CASZ1: variants seen among roughly 807,000 people sequenced by gnomAD.
The protein encoded by CASZ1 is castor zinc finger 1.
A neutral mutation model predicts 135.2 loss-of-function variants in CASZ1; 28 were observed. The observed-to-expected ratio is 0.21, with a 90% CI of 0.15 to 0.28. CASZ1 has a LOEUF of 0.28. Ranked by LOEUF, CASZ1 falls within the 10% of genes least tolerant of loss-of-function variation. The pLI is 1.00. For missense variants in CASZ1, 2,161 were observed against 2,453.3 expected, an observed-to-expected ratio of 0.88 and a Z score of 2.52; for synonymous variants, 1,068 against 1,073.4, an observed-to-expected ratio of 0.99 and a Z score of 0.10.
At chr1:10,704,367 T>G (rs1639124793) in intron 3 of CASZ1, 1 of 152,588 alleles carries the variant, frequency 6.6e-6, no homozygotes, top group Non-Finnish European at 1.5e-5. Flanking sequence ...ACCAGGGTGG[T>G]GCTGGCGGCA....
At position 10,711,730 on chromosome 1, in the gene CASZ1, T is replaced by G. The variant is rs1639290094; in HGVS notation, c.-76-6186A>C. ...ACAACATGGAGTCTGTCCATACTAT[T>G]GAATATTATTCAGCTATAAAAAAGG... is the stretch of plus-strand genomic sequence containing the variant. On this transcript the variant is annotated intron_variant, in intron 2 of 20. Coordinates refer to ENST00000377022, the MANE Select transcript of CASZ1 (RefSeq NM_001079843.3). The surrounding 1 kb of genome is among the most constrained non-coding windows in gnomAD (Gnocchi z 4.4). Among the ~76,000 whole-genome samples, 1 of 152,218 alleles carries G rather than the reference T, an allele frequency of 6.6e-6. No homozygotes were observed.
chr1:10,753,089 G>A (rs1473538929), intron 2 of CASZ1, among the ~76,000 whole-genome samples: 1 of 152,200 alleles, frequency 6.6e-6, no homozygotes, highest in African/African-American at 2.4e-5. Flanking sequence ...TTTCATATAA[G>A]TATGTCCCAA....
chr1:10,649,461 T>C (rs566866337), intron 13 of CASZ1, 24 bp from the exon 14 acceptor site: 5 of 1,590,934 alleles, frequency 3.1e-6, no homozygotes, highest in Middle Eastern at 1.8e-4. Context: ...AGGCCGAGCA[T>C]GGGGCTGGGG....
In CASZ1 at chr1:10,709,789, A is replaced by G. The variant is rs1390167887; in HGVS notation, c.-76-4245T>C. 6.6e-6 allele frequency among the ~76,000 whole-genome samples: 1 copy of G among 152,234 alleles called. No individual in the cohort carries two copies. The highest frequency in any genetic ancestry group is 1.9e-4 in the East Asian group (1 of 5,182). On this transcript the variant is annotated intron_variant, in intron 2 of 20. Transcript: ENST00000377022. The surrounding 1 kb of genome is among the most constrained non-coding windows in gnomAD (Gnocchi z 5.1). ...GGGGGATCCCATGGCATAACCAGGC[A>G]AAACGGAAAGGTCAGAGGAAGCCCG...
rs773795773 is a variant in CASZ1, at chr1:10,653,945, C to T, written c.2112G>A (p.Gly704=). Residue 704 remains glycine, a synonymous_variant, in exon 11 of 21, where the codon GGG becomes GGA. Transcript: ENST00000377022. ...RRHIRSSGAL[G]LPPSLLGAKD... is the part of the protein sequence containing the mutation. ...TGGCGCCCAGCAGCGAGGGCGGCAG[C>T]CCCAGCGCGCCCGAGGAGCGGATGT... The T allele has an allele frequency of 6.2e-7, 1 of 1,613,608 alleles. No individual in the cohort carries two copies. The highest frequency in any genetic ancestry group is 8.5e-7 in the Non-Finnish European group (1 of 1,179,756).
chr1:10,691,566 G>A (rs571391823), intron 4 of CASZ1, among the ~76,000 whole-genome samples: 56 of 152,340 alleles, frequency 3.7e-4, no homozygotes, highest in Non-Finnish European at 7.1e-4. Context: ...AGAGGCCCTC[G>A]GCTGAAGCTG....
chr1:10,765,244 G>T (rs967192856), intron 1 of CASZ1, among the ~76,000 whole-genome samples: 1 of 152,264 alleles, frequency 6.6e-6, no homozygotes, highest in Non-Finnish European at 1.5e-5. Flanking sequence ...GGTAGGGAAA[G>T]ATTTCTATCC....
chr1:10,715,917 A>G (rs1192300414), intron 2 of CASZ1, among the ~76,000 whole-genome samples: 5 of 130,234 alleles, frequency 3.8e-5, no homozygotes, highest in Non-Finnish European at 1.6e-5. Flanking sequence ...CTCTCCCCAC[A>G]GCACCCAATC....
chr1:10,754,480 C>G (rs564355705), intron 2 of CASZ1, among the ~76,000 whole-genome samples: 19 of 152,216 alleles, frequency 1.2e-4, no homozygotes, highest in Non-Finnish European at 2.5e-4. Context: ...TGAGGCTGAG[C>G]CCTGGCCCAA....
intron 1 of CASZ1, among the ~76,000 whole-genome samples, chr1:10,795,996 G>T (rs761124): frequency 0.63 from 95,126 of 149,868 alleles, 32,935 homozygotes; most frequent in Middle Eastern, 0.8. Context: ...GTCACCCCAG[G>T]CACCCCTCAC....
At chr1:10,715,513 ACCCCACAGCACCCAATCCGCCC>A (rs1639362319) in intron 2 of CASZ1, among the ~76,000 whole-genome samples, 2 of 142,172 alleles carry the variant, frequency 1.4e-5, no homozygotes, top group African/African-American at 2.6e-5. Context: ...CCCAATCCAC[ACCCCACAGCACCCAATCCGCCC>A]CCCACAGCAC....
chr1:10,751,566 A>G (rs1640150880), intron 2 of CASZ1, among the ~76,000 whole-genome samples: 1 of 152,250 alleles, frequency 6.6e-6, no homozygotes, highest in South Asian at 2.1e-4. Context: ...TTAATGAAAT[A>G]TAAATACCCA....
Position 10,739,682 on chromosome 1 carries a change from G to A in CASZ1, c.-77+21019C>T, listed in dbSNP as rs1232370335. ...AGCTATAGTTTGGCCCAAATGTCCC[G>A]GCCAGGGTGGCTCTGTGTCAAAGGC... On this transcript the variant is annotated intron_variant, in intron 2 of 20. Transcript: ENST00000377022. The surrounding 1 kb of genome is among the most constrained non-coding windows in gnomAD (Gnocchi z 4.8). Among the ~76,000 whole-genome samples the A allele has an allele frequency of 1.3e-5, 2 of 152,108 alleles. No homozygotes were observed. Among genetic ancestry groups the A allele is most frequent in the Non-Finnish European group, 2.9e-5 (2 of 68,014 alleles).
rs74052181 is a variant in CASZ1 at position 10,735,497 on chromosome 1, G to A, written c.-77+25204C>T. ...GCAGGCTCAGCCAGCTCCACGCAGCGCCAGGGCTGTCCCCAAAGTTTGGAT... is the reference window on the plus strand; with the variant it reads ...GCAGGCTCAGCCAGCTCCACGCAGCACCAGGGCTGTCCCCAAAGTTTGGAT... On this transcript the variant is annotated intron_variant, in intron 2 of 20. Coordinates refer to ENST00000377022, the MANE Select transcript of CASZ1 (RefSeq NM_001079843.3). This position sits in a 1 kb window ranked among gnomAD's most constrained non-coding sequence, Gnocchi z 5.1. Among the ~76,000 whole-genome samples, 6,891 of 152,198 alleles carry A rather than the reference G, an allele frequency of 0.045. 321 individuals carry two copies. The highest frequency in any genetic ancestry group is 0.12 in the African/African-American group (4,910 of 41,506).
Position 10,794,553 on chromosome 1 carries a change from A to G in CASZ1, c.-234+2011T>C, listed in dbSNP as rs1053258505. Among the ~76,000 whole-genome samples the G allele has an allele frequency of 4.6e-5, 7 of 152,106 alleles. No homozygotes were observed. The highest frequency in any genetic ancestry group is 1.4e-4 in the African/African-American group (6 of 41,418). ...ACGCACCCGCACCCGCACCGTAGCC[A>G]GCGTGGCTGGAAGGAGGTCCTCGCC... On this transcript the variant is annotated intron_variant, in intron 1 of 20. Transcript: ENST00000377022. This position sits in a 1 kb window ranked among gnomAD's most constrained non-coding sequence, Gnocchi z 5.6.
intron 1 of CASZ1, among the ~76,000 whole-genome samples, chr1:10,795,415 T>C (rs1022011947): frequency 7.9e-5 from 12 of 152,162 alleles, no homozygotes; most frequent in Admixed American, 2.6e-4. Context: ...TCCTCCCCAA[T>C]TGTTGAGCTC....
Position 10,660,235 on chromosome 1 carries a change from C to A in CASZ1, c.807G>T (p.Val269=). 2 of 1,613,228 alleles carry A rather than the reference C, an allele frequency of 1.2e-6. No homozygotes were observed. ...TKTEERVGKE[V]VGTLPGLRLP... is the part of the protein sequence containing the mutation. The stretch of plus-strand genomic sequence containing the variant: ...GCCGCAGGCCGGGCAGGGTGCCCAC[C>A]ACCTCCTTGCCCACCCGCTCCTCGG... Residue 269 remains valine, a synonymous_variant, in exon 6 of 21, where the codon GTG becomes GTT. Coordinates refer to ENST00000377022, the MANE Select transcript of CASZ1 (RefSeq NM_001079843.3).
chr1:10,690,581 A>G (rs1255270612), intron 4 of CASZ1, among the ~76,000 whole-genome samples: 1 of 152,180 alleles, frequency 6.6e-6, no homozygotes, highest in East Asian at 1.9e-4. Context: ...GAGCCCCAGA[A>G]GGAGAAAGAA....
chr1:10,770,084 T>A (rs1004584585), intron 1 of CASZ1, among the ~76,000 whole-genome samples: 5 of 152,268 alleles, frequency 3.3e-5, no homozygotes, highest in East Asian at 1.9e-4. Context: ...CTTCTCTTTT[T>A]TCTTTTCTTT....
Sources: allele counts gnomAD v4.1 joint callset (sites outside exome capture counted in the v4.1 genomes callset), GRCh38; gene constraint gnomAD v4.1.1; non-coding constraint Gnocchi (gnomAD v3.1); transcripts MANE v1.5; gene names NCBI Gene and HGNC (gene_info 2026-07-23, HGNC 2026-07-21).